Variants in PKD1L1 observed in about 807,000 individuals in gnomAD.
PKD1L1 encodes the protein polycystin 1 like 1, transient receptor potential channel interacting.
A neutral mutation model predicts 323.4 loss-of-function variants in PKD1L1; 236 were observed. That is an observed-to-expected ratio of 0.73 (90% CI 0.66 to 0.81). The LOEUF is 0.81. PKD1L1 is among the 40% of genes least tolerant of loss of function. The pLI is 0.00. For synonymous variants in PKD1L1, 1,344 were observed against 1,335.0 expected, an observed-to-expected ratio of 1.01 and a Z score of -0.15; for missense variants, 3,320 against 3,508.0, an observed-to-expected ratio of 0.95 and a Z score of 1.35.
intron 56 of PKD1L1, among the ~76,000 whole-genome samples, chr7:47,786,037 T>G (rs545936632): frequency 6.6e-6 from 1 of 152,302 alleles, no homozygotes; most frequent in South Asian, 2.1e-4. Context: ...GCACCATGCC[T>G]GGCCAATATT....
In PKD1L1 at chr7:47,880,267, TATATA is replaced by T. The variant is rs1562970446; in HGVS notation, c.3520+456_3520+460del. 2.1e-3 allele frequency among the ~76,000 whole-genome samples: 163 copies of T among 77,412 alleles called. 2 individuals are homozygous for T. Among genetic ancestry groups the T allele is most frequent in the African/African-American group, 5.0e-3 (68 of 13,676 alleles). 50.8% of individuals were successfully genotyped at this position (77,412 alleles called of 152,430 possible). A position where few individuals can be genotyped will look rare whatever the true frequency, so the allele number is the denominator to read the frequency against. ...AATAAGATATATATATATATATACA[TATATA>T]TATATATATATATTTTTTTTTTTTT... On this transcript the variant is annotated intron_variant, in intron 21 of 56. Transcript: ENST00000289672.
rs759394407 is a variant in PKD1L1, at chr7:47,775,135, C to A, written c.*8G>T. 1.2e-6 allele frequency: 2 copies of A among 1,613,828 alleles called. No homozygotes were observed. Among genetic ancestry groups the A allele is most frequent in the Non-Finnish European group, 1.7e-6 (2 of 1,179,920 alleles). On this transcript the variant is annotated 3_prime_UTR_variant, in exon 57 of 57. Transcript: ENST00000289672. ...GGTCCATAGTGCCTATGCAAGGTAC[C>A]AGGCTCCTCAGAAGTCCTTGATGTC...
At chr7:47,781,412 T>G (rs961266625) in intron 56 of PKD1L1, among the ~76,000 whole-genome samples, 1 of 118,972 alleles carries the variant, frequency 8.4e-6, no homozygotes, top group Non-Finnish European at 1.7e-5. Context: ...TTGTTTTGTT[T>G]TTTTTTTTTT....
chr7:47,870,779 G>T (rs544805081), intron 24 of PKD1L1, among the ~76,000 whole-genome samples: 2 of 152,106 alleles, frequency 1.3e-5, no homozygotes, highest in East Asian at 1.9e-4. Flanking sequence ...TGGGAGGATT[G>T]CTTGAGCCCA....
At chr7:47,918,472 C>CA (rs201869839) in intron 7 of PKD1L1, among the ~76,000 whole-genome samples, 1,508 of 123,508 alleles carry the variant, frequency 0.012, 12 homozygotes, top group Middle Eastern at 0.029. Flanking sequence ...AAGTCAACAA[C>CA]AAAAAAAAAA....
intron 52 of PKD1L1, among the ~76,000 whole-genome samples, chr7:47,807,069 C>T (rs923252847): frequency 2.6e-4 from 40 of 152,032 alleles, no homozygotes; most frequent in African/African-American, 8.7e-4. Context: ...GGCACTGGCT[C>T]ACCATGCAGC....
intron 45 of PKD1L1, among the ~76,000 whole-genome samples, chr7:47,822,316 C>T (rs1437376197): frequency 3.3e-5 from 5 of 152,018 alleles, no homozygotes; most frequent in East Asian, 1.9e-4. Context: ...TTTTGCCGGG[C>T]GCAGTAGCTC....
intron 8 of PKD1L1, among the ~76,000 whole-genome samples, chr7:47,911,753 T>C (rs370891690): frequency 1.3e-5 from 2 of 151,784 alleles, no homozygotes; most frequent in East Asian, 1.9e-4. Context: ...AGGAACCGTA[T>C]TGAAGGAAGA....
intron 4 of PKD1L1, among the ~76,000 whole-genome samples, chr7:47,934,022 C>A (rs1424329045): frequency 1.3e-5 from 2 of 152,166 alleles, no homozygotes; most frequent in Non-Finnish European, 2.9e-5. Context: ...GTTCATTAAC[C>A]CTTTCTCCTA....
intron 7 of PKD1L1, among the ~76,000 whole-genome samples, chr7:47,919,415 G>C (rs752127189): frequency 6.6e-6 from 1 of 152,124 alleles, no homozygotes; most frequent in Non-Finnish European, 1.5e-5. Flanking sequence ...TCCAGGTCCA[G>C]ACGAATTCAC....
At chr7:47,819,632 A>T in intron 46 of PKD1L1, 1 of 1,260,538 alleles carries the variant, frequency 7.9e-7, no homozygotes, top group Non-Finnish European at 1.1e-6. Flanking sequence ...TCACTATTAC[A>T]ATGCTCAGCA....
chr7:47,808,501 CCTTCTGAGAAATG>C (rs1562939787), intron 51 of PKD1L1, 114 bp from the exon 52 acceptor site: 1 of 1,300,080 alleles, frequency 7.7e-7, no homozygotes, highest in Non-Finnish European at 1.1e-6. Flanking sequence ...TACAGGGATG[CCTTCTGAGAAATG>C]CATCGCTGGG....
chr7:47,890,521 G>C (rs777441950), intron 16 of PKD1L1, 21 bp downstream of exon 16: 2 of 1,609,414 alleles, frequency 1.2e-6, no homozygotes, highest in South Asian at 1.1e-5. Flanking sequence ...GCTGAGCTGT[G>C]CTGAATACAG....
chr7:47,809,617 G>A, intron 50 of PKD1L1, 40 bp from the exon 51 acceptor site: 1 of 1,441,718 alleles, frequency 6.9e-7, no homozygotes, highest in Non-Finnish European at 9.4e-7. Flanking sequence ...CAATAGGAAT[G>A]CTGATAAATT....
intron 21 of PKD1L1, 126 bp downstream of exon 21, chr7:47,880,602 A>T (rs1177122729): frequency 3.1e-5 from 16 of 509,368 alleles, no homozygotes; most frequent in East Asian, 2.5e-4. Context: ...GTAATTTTTT[A>T]AAAAGGCAAC....
At chr7:47,872,483 G>A (rs543441228) in intron 24 of PKD1L1, among the ~76,000 whole-genome samples, 2 of 152,144 alleles carry the variant, frequency 1.3e-5, no homozygotes, top group East Asian at 1.9e-4. Context: ...AGAAACAAAC[G>A]TTTTAATTAG....
In PKD1L1 at chr7:47,890,693, G is replaced by A. The variant is rs746923820; in HGVS notation, c.2524C>T (p.Leu842=). ...PCFDSSTAHQ[L]DAAAPTVSFE... is the part of the protein sequence containing the mutation. ...GAAACAGTGGGAGCCGCGGCATCCA[G>A]TTGGTGTGCAGTGGAGGAGTCGAAG... The change falls in exon 16 of 57, where the codon CTG becomes TTG. Residue 842 remains leucine, a synonymous_variant. Coordinates refer to ENST00000289672, the MANE Select transcript of PKD1L1 (RefSeq NM_138295.5). The A allele has an allele frequency of 6.2e-7, 1 of 1,613,854 alleles. No homozygotes were observed. The highest frequency in any genetic ancestry group is 1.7e-5 in the Admixed American group (1 of 60,036).
intron 32 of PKD1L1, among the ~76,000 whole-genome samples, chr7:47,846,507 C>T (rs896535719): frequency 2.0e-5 from 3 of 152,212 alleles, no homozygotes; most frequent in Non-Finnish European, 2.9e-5. Flanking sequence ...CTACAAACTG[C>T]GTACTCAAAG....
rs1310924705 is a variant in PKD1L1, at chr7:47,877,505, C to T, written c.3647G>A (p.Cys1216Tyr). 2.5e-6 allele frequency: 4 copies of T among 1,613,690 alleles called. No individual in the cohort carries two copies. Among genetic ancestry groups the T allele is most frequent in the Non-Finnish European group, 3.4e-6 (4 of 1,179,878 alleles). ...TCCACGTACCGGTTTTCCAGACATG[C>T]AGAAGACACTGAAGACGGTGTGTGC... The part of the protein sequence containing the change: ...LEAHTVFSVF[C>Y]MSGKPDFHYE... Residue 1216 changes from cysteine (C) to tyrosine (Y), a missense_variant, in exon 22 of 57, where the codon TGC becomes TAC. Transcript: ENST00000289672.
Sources: gnomAD v4.1 joint callset for allele counts (sites outside exome capture counted in the v4.1 genomes callset) on GRCh38, gnomAD v4.1.1 for gene constraint, MANE v1.5 for transcripts, NCBI Gene and HGNC (gene_info 2026-07-23, HGNC 2026-07-21) for gene names.